CAST: variants seen among roughly 807,000 people sequenced by gnomAD.
The protein encoded by CAST is calpastatin.
Under a neutral mutation model 119.6 loss-of-function variants are expected in CAST, and 76 were observed. The ratio of observed to expected loss-of-function variants is 0.64; its 90% CI spans 0.53 to 0.77. The LOEUF (loss-of-function observed/expected upper bound fraction) is 0.77, where lower values mean the gene tolerates loss of function less well. Among genes scored for constraint, CAST ranks in the 30% least tolerant of loss-of-function variants. The pLI is 0.00. For missense variants in CAST, 953 were observed against 946.5 expected (o/e 1.01, Z -0.09); for synonymous variants, 319 against 331.6 (o/e 0.96, Z 0.41).
At chr5:96,562,010 T>TC in intron 1 of CAST, among the ~76,000 whole-genome samples, 1 of 150,800 alleles carries the variant, frequency 6.6e-6, no homozygotes, top group Non-Finnish European at 1.5e-5. Context: ...GCCAGGATGG[T>TC]CTCGATCTCC....
chr5:96,519,132 AG>A, the CAST span, among the ~76,000 whole-genome samples: 1 of 152,200 alleles, frequency 6.6e-6, no homozygotes. Flanking sequence ...ATTTTCTGGA[AG>A]ATTTCTTCAC....
At chr5:96,447,020 A>G in the CAST span, among the ~76,000 whole-genome samples, 3 of 152,210 alleles carry the variant, frequency 2.0e-5, no homozygotes, top group African/African-American at 7.2e-5. Context: ...GAGATGCCCA[A>G]TTAATCCAAA....
the CAST span, among the ~76,000 whole-genome samples, chr5:96,085,999 T>A: frequency 7.2e-5 from 11 of 152,254 alleles, no homozygotes; most frequent in African/African-American, 2.6e-4. Context: ...GGACCTCCCC[T>A]GAAAGATTCC....
At chr5:96,102,980 G>A in the CAST span, among the ~76,000 whole-genome samples, 8 of 151,962 alleles carry the variant, frequency 5.3e-5, no homozygotes, top group Non-Finnish European at 1.2e-4. Context: ...CTATTAATTA[G>A]TACCTATTAA....
chr5:96,593,692 G>A (rs540552869), intron 1 of CAST, among the ~76,000 whole-genome samples: 3 of 152,316 alleles, frequency 2.0e-5, no homozygotes, highest in African/African-American at 7.2e-5. Context: ...TTAGTCATGA[G>A]AGTGAATGCT....
the CAST span, among the ~76,000 whole-genome samples, chr5:96,070,389 G>C: frequency 6.6e-6 from 1 of 152,182 alleles, no homozygotes; most frequent in Non-Finnish European, 1.5e-5. Flanking sequence ...TGTGATGACT[G>C]ATTTTATGTA....
the CAST span, among the ~76,000 whole-genome samples, chr5:96,242,391 A>G: frequency 6.6e-6 from 1 of 152,108 alleles, no homozygotes; most frequent in Non-Finnish European, 1.5e-5. Flanking sequence ...TCAGCCTCCC[A>G]AAGTGCCAAC....
chr5:96,493,909 C>A, the CAST span, among the ~76,000 whole-genome samples: 1 of 152,054 alleles, frequency 6.6e-6, no homozygotes, highest in Non-Finnish European at 1.5e-5. Context: ...GTGGTGCACA[C>A]CTGTAATCAC....
At chr5:96,461,153 T>A in the CAST span, among the ~76,000 whole-genome samples, 2 of 152,178 alleles carry the variant, frequency 1.3e-5, no homozygotes, top group African/African-American at 4.8e-5. Context: ...CTTAATGCAA[T>A]GCTTTCAAGA....
the CAST span, among the ~76,000 whole-genome samples, chr5:96,047,789 C>A: frequency 1.3e-5 from 2 of 151,826 alleles, no homozygotes; most frequent in African/African-American, 4.9e-5. Flanking sequence ...ATCACATAAG[C>A]ATGTGTAAAA....
At chr5:96,652,612 C>T (rs1218032948) in intron 1 of CAST, among the ~76,000 whole-genome samples, 1 of 152,168 alleles carries the variant, frequency 6.6e-6, no homozygotes. Flanking sequence ...CACAGAGCCT[C>T]CTGACACACA....
chr5:96,400,943 C>T, the CAST span, among the ~76,000 whole-genome samples: 4 of 151,024 alleles, frequency 2.6e-5, no homozygotes, highest in East Asian at 1.9e-4. Flanking sequence ...AAAAATTAGC[C>T]GGGCGCGGTG....
the CAST span, among the ~76,000 whole-genome samples, chr5:96,219,146 G>T: frequency 6.6e-6 from 1 of 152,096 alleles, no homozygotes; most frequent in Non-Finnish European, 1.5e-5. Context: ...GTGGTGAATT[G>T]TTTGAGCTAT....
At chr5:96,280,448 T>A in the CAST span, among the ~76,000 whole-genome samples, 1 of 152,236 alleles carries the variant, frequency 6.6e-6, no homozygotes, top group Non-Finnish European at 1.5e-5. Flanking sequence ...CAAAACTGAA[T>A]GAAGTTGCTT....
intron 4 of CAST, among the ~76,000 whole-genome samples, chr5:96,725,869 A>G (rs1247201718): frequency 6.6e-6 from 1 of 152,224 alleles, no homozygotes; most frequent in East Asian, 1.9e-4. Context: ...ATTAATGAGA[A>G]TGTAGTGTGA....
rs1750626431 is a variant in CAST, at chr5:96,675,737, G to T, written c.138+136G>T. The T allele has an allele frequency of 1.1e-5, 7 of 614,924 alleles. No homozygotes were observed. In the South Asian group the frequency reaches 1.8e-4, roughly 16 times the overall value. 38.1% of individuals were successfully genotyped at this position (614,924 alleles called of 1,614,324 possible). A position where few individuals can be genotyped will look rare whatever the true frequency, so the allele number is the denominator to read the frequency against. Reference sequence around the variant, plus strand: ...GGAAATTTTGATTTAACCAAGATTTGGTTCAAGAATATAAAAGGAAATCAC... The same window carrying T: ...GGAAATTTTGATTTAACCAAGATTTTGTTCAAGAATATAAAAGGAAATCAC... On this transcript the variant is annotated intron_variant, in intron 2 of 31. Transcript: ENST00000675179.
At chr5:96,061,190 C>G in the CAST span, among the ~76,000 whole-genome samples, 1 of 152,050 alleles carries the variant, frequency 6.6e-6, no homozygotes, top group African/African-American at 2.4e-5. Flanking sequence ...AAAAGAATCA[C>G]AATGCAGACT....
the CAST span, among the ~76,000 whole-genome samples, chr5:96,107,323 G>A: frequency 6.6e-6 from 1 of 151,934 alleles, no homozygotes; most frequent in South Asian, 2.1e-4. Flanking sequence ...TAGTCTCGAT[G>A]GTCTTTACAT....
chr5:96,207,533 G>A, the CAST span, among the ~76,000 whole-genome samples: 1 of 152,102 alleles, frequency 6.6e-6, no homozygotes, highest in Non-Finnish European at 1.5e-5. Context: ...TTTATTGACT[G>A]CCTTTTCTGC....
Sources: gnomAD v4.1 joint callset for allele counts (sites outside exome capture counted in the v4.1 genomes callset) on GRCh38, gnomAD v4.1.1 for gene constraint, MANE v1.5 for transcripts, NCBI Gene and HGNC (gene_info 2026-07-23, HGNC 2026-07-21) for gene names.